The following EHMT1 variants were observed in gnomAD, a reference collection of about 807,000 sequenced individuals.
The protein encoded by EHMT1 is euchromatic histone lysine methyltransferase 1.
In EHMT1, 15 loss-of-function variants were observed where a neutral mutation model predicts 147.2. That is an observed-to-expected ratio of 0.10 (90% CI 0.07 to 0.16). The LOEUF (loss-of-function observed/expected upper bound fraction) is 0.16, where lower values mean the gene tolerates loss of function less well. Ranked by LOEUF, EHMT1 falls within the 10% of genes least tolerant of loss-of-function variation. The pLI is 1.00. For missense variants in EHMT1, 1,587 were observed against 1,772.4 expected (o/e 0.90, Z 1.88); for synonymous variants, 795 against 709.6 (o/e 1.12, Z -1.91).
intron 1 of EHMT1, among the ~76,000 whole-genome samples, chr9:137,663,642 C>T (rs1939320962): frequency 6.6e-6 from 1 of 152,138 alleles, no homozygotes; most frequent in East Asian, 1.9e-4. Flanking sequence ...GTGCACATAC[C>T]AGCATCTTTC....
intron 25 of EHMT1, among the ~76,000 whole-genome samples, chr9:137,832,337 G>A (rs113790270): frequency 0.021 from 2,765 of 134,680 alleles, 48 homozygotes; most frequent in Middle Eastern, 0.06. Context: ...CACAGGCCCC[G>A]CCTTCCACGT....
chr9:137,632,856 G>A (rs1843721157), intron 1 of EHMT1, among the ~76,000 whole-genome samples: 1 of 152,236 alleles, frequency 6.6e-6, no homozygotes, highest in South Asian at 2.1e-4. Flanking sequence ...GAGCTGTGGA[G>A]ACCATGCTAA....
At chr9:137,693,610 C>T (rs1185911247) in intron 1 of EHMT1, among the ~76,000 whole-genome samples, 5 of 140,536 alleles carry the variant, frequency 3.6e-5, no homozygotes, top group African/African-American at 5.3e-5. Flanking sequence ...CCGATACCCC[C>T]CACACAGTGG....
intron 1 of EHMT1, among the ~76,000 whole-genome samples, chr9:137,675,445 C>T (rs76427581): frequency 1.3e-5 from 2 of 151,922 alleles, no homozygotes; most frequent in Non-Finnish European, 2.9e-5. Context: ...TTCATTTTCT[C>T]TTTTACTTTT....
intron 3 of EHMT1, among the ~76,000 whole-genome samples, chr9:137,727,730 A>T (rs1471264909): frequency 6.6e-6 from 1 of 152,252 alleles, no homozygotes; most frequent in East Asian, 1.9e-4. Context: ...GCATTCTGCA[A>T]TGAAGGAGGT....
intron 1 of EHMT1, among the ~76,000 whole-genome samples, chr9:137,690,845 A>G (rs565089112): frequency 1.3e-5 from 2 of 152,336 alleles, no homozygotes; most frequent in South Asian, 2.1e-4. Context: ...TTCCACATGT[A>G]CATGTCCAAG....
chr9:137,698,479 C>T (rs987760298), intron 1 of EHMT1, among the ~76,000 whole-genome samples: 3 of 152,194 alleles, frequency 2.0e-5, no homozygotes, highest in African/African-American at 7.2e-5. Flanking sequence ...AGCTGCCTAA[C>T]ACCAGGTATC....
chr9:137,821,101 C>T lies in EHMT1; in HGVS notation c.3540+2963C>T, dbSNP rs183886083. ...ACCATGTTAGCGGGATGGTCTTGAT[C>T]TCCTGACATCGTAATCTGCCTGCCT... On this transcript the variant is annotated intron_variant, in intron 25 of 26. Coordinates refer to ENST00000460843, the MANE Select transcript of EHMT1 (RefSeq NM_024757.5). Among the ~76,000 whole-genome samples, 49 of 152,312 alleles carry T rather than the reference C, an allele frequency of 3.2e-4. No individual in the cohort carries two copies. The East Asian group carries it at 7.1e-3, about 22-fold the overall frequency.
At chr9:137,705,484 G>A (rs1321515152) in intron 1 of EHMT1, among the ~76,000 whole-genome samples, 1 of 152,214 alleles carries the variant, frequency 6.6e-6, no homozygotes, top group Non-Finnish European at 1.5e-5. Context: ...TGCATGCTTC[G>A]TGTTCATGCT....
At chr9:137,717,691 CCTT>C (rs1478494326) in intron 3 of EHMT1, among the ~76,000 whole-genome samples, 1 of 151,892 alleles carries the variant, frequency 6.6e-6, no homozygotes, top group Non-Finnish European at 1.5e-5. Flanking sequence ...CGCCTCGCTT[CCTT>C]CTTGTGCTTT....
At chr9:137,652,329 C>T (rs776902828) in intron 1 of EHMT1, among the ~76,000 whole-genome samples, 1 of 152,210 alleles carries the variant, frequency 6.6e-6, no homozygotes, top group Non-Finnish European at 1.5e-5. Context: ...ATCCTCCTGC[C>T]TTGGCCTCCC....
chr9:137,787,536 T>G lies in EHMT1; in HGVS notation c.2383-3312T>G, dbSNP rs1588707763. ...CACGTGGGGTAGTTAGTAAACACCA[T>G]GGACTCCCAGCAAGGCTGCTGCCTG... On this transcript the variant is annotated intron_variant, in intron 15 of 26. Coordinates refer to ENST00000460843, the MANE Select transcript of EHMT1 (RefSeq NM_024757.5). The surrounding 1 kb of genome is among the most constrained non-coding windows in gnomAD (Gnocchi z 4.2). 4 of 400,284 alleles carry G rather than the reference T, an allele frequency of 1.0e-5. No individual in the cohort carries two copies. In the East Asian group the frequency reaches 1.6e-4, roughly 16 times the overall value. The allele number at this position is 400,284 out of a possible 1,614,324, so 24.8% of individuals were successfully genotyped here.
intron 10 of EHMT1, among the ~76,000 whole-genome samples, chr9:137,774,633 C>T (rs1412549249): frequency 7.4e-6 from 1 of 135,414 alleles, no homozygotes; most frequent in Non-Finnish European, 1.6e-5. Flanking sequence ...GATGTGGTCG[C>T]GTCTGGCCCC....
intron 10 of EHMT1, among the ~76,000 whole-genome samples, chr9:137,768,572 C>T (rs1366107098): frequency 1.6e-4 from 9 of 55,858 alleles, no homozygotes; most frequent in African/African-American, 4.7e-4. Flanking sequence ...TTTTTTGAGA[C>T]GGAGTCTTGC....
At chr9:137,819,655 G>A (rs922044708) in intron 25 of EHMT1, among the ~76,000 whole-genome samples, 7 of 125,808 alleles carry the variant, frequency 5.6e-5, no homozygotes, top group Non-Finnish European at 1.1e-4. Context: ...GAGGCTGAGG[G>A]GGGGGGCGCC....
chr9:137,829,465 AC>A (rs1956046838), intron 25 of EHMT1, among the ~76,000 whole-genome samples: 1 of 152,232 alleles, frequency 6.6e-6, no homozygotes, highest in Non-Finnish European at 1.5e-5. Flanking sequence ...AAAGTTAGTT[AC>A]AAATGTGACA....
intron 6 of EHMT1, chr9:137,747,556 T>C (rs907852697): frequency 5.3e-5 from 8 of 152,152 alleles, no homozygotes; most frequent in African/African-American, 1.9e-4. Context: ...TTACTAGAAA[T>C]AGATTATTTA....
chr9:137,645,165 G>A (rs1237292697), intron 1 of EHMT1, among the ~76,000 whole-genome samples: 4 of 152,248 alleles, frequency 2.6e-5, no homozygotes, highest in Non-Finnish European at 4.4e-5. Context: ...GAGCCGCCAC[G>A]GCCTGCTTAT....
chr9:137,749,870 C>T (rs1027807408), intron 6 of EHMT1, among the ~76,000 whole-genome samples: 2 of 152,188 alleles, frequency 1.3e-5, no homozygotes, highest in African/African-American at 4.8e-5. Flanking sequence ...AAACTCCTGT[C>T]AAAGCCGACT....
Sources: allele counts gnomAD v4.1 joint callset (sites outside exome capture counted in the v4.1 genomes callset), GRCh38; gene constraint gnomAD v4.1.1; non-coding constraint Gnocchi (gnomAD v3.1); transcripts MANE v1.5; gene names NCBI Gene and HGNC (gene_info 2026-07-23, HGNC 2026-07-21).